Variants in MPDZ observed in about 807,000 individuals in gnomAD.
MPDZ encodes multiple PDZ domain protein.
MPDZ carries 234 observed loss-of-function variants against 239.1 expected under a neutral mutation model. The ratio of observed to expected loss-of-function variants is 0.98; its 90% CI spans 0.88 to 1.09. The LOEUF (loss-of-function observed/expected upper bound fraction) is 1.09. Among genes scored for constraint, MPDZ ranks in the 50% least tolerant of loss-of-function variants. MPDZ has a pLI of 0.00. For missense variants in MPDZ, 3,175 were observed against 2,510.0 expected (o/e 1.26, Z -5.66); for synonymous variants, 1,048 against 881.3 (o/e 1.19, Z -3.35).
At chr9:13,249,298 A>G (rs1440227189) in intron 2 of MPDZ, among the ~76,000 whole-genome samples, 1 of 152,182 alleles carries the variant, frequency 6.6e-6, no homozygotes, top group African/African-American at 2.4e-5. Flanking sequence ...ACTCAGCACA[A>G]AACAGAATAA....
chr9:13,257,547 C>A (rs1306179894), intron 1 of MPDZ, among the ~76,000 whole-genome samples: 1 of 152,136 alleles, frequency 6.6e-6, no homozygotes, highest in African/African-American at 2.4e-5. Flanking sequence ...AGTTGCTACA[C>A]TTTGTACAGA....
At chr9:13,222,020 G>C (rs1214754992) in intron 6 of MPDZ, among the ~76,000 whole-genome samples, 1 of 151,956 alleles carries the variant, frequency 6.6e-6, no homozygotes, top group East Asian at 1.9e-4. Context: ...GCTGTCAAAG[G>C]ACAAAACTAC....
intron 10 of MPDZ, among the ~76,000 whole-genome samples, chr9:13,212,511 TACATATGAGCCA>T (rs1274366150): frequency 6.6e-6 from 1 of 151,910 alleles, no homozygotes; most frequent in East Asian, 1.9e-4. Flanking sequence ...ACACCCATGC[TACATATGAGCCA>T]AAGTCACGAA....
At position 13,110,896 on chromosome 9, in the gene MPDZ, G is replaced by C. The variant is rs534906299; in HGVS notation, c.5725-156C>G. On this transcript the variant is annotated intron_variant, in intron 43 of 46. Coordinates refer to ENST00000319217, the MANE Select transcript of MPDZ (RefSeq NM_001378778.1). ...CCAAGGAAACCACTAATTCCAAGAA[G>C]TCCAAAAAGCAGCAACCACAAAAAG... 3.9e-5 allele frequency among the ~76,000 whole-genome samples: 6 copies of C among 152,278 alleles called. No homozygotes were observed. In the East Asian group the frequency reaches 1.2e-3, roughly 29 times the overall value.
chr9:13,169,987 C>A (rs1483835019), intron 21 of MPDZ, among the ~76,000 whole-genome samples: 1 of 152,132 alleles, frequency 6.6e-6, no homozygotes, highest in African/African-American at 2.4e-5. Flanking sequence ...CCCTTTGCAT[C>A]CTATCCTCAT....
At chr9:13,202,973 T>A (rs1271340340) in intron 12 of MPDZ, among the ~76,000 whole-genome samples, 2 of 152,108 alleles carry the variant, frequency 1.3e-5, no homozygotes, top group African/African-American at 4.8e-5. Context: ...ATGTCACTCT[T>A]CAATTTACTG....
At chr9:13,267,634 A>G (rs1326252216) in intron 1 of MPDZ, among the ~76,000 whole-genome samples, 2 of 152,228 alleles carry the variant, frequency 1.3e-5, no homozygotes, top group African/African-American at 4.8e-5. Context: ...ATGACACTTA[A>G]AAGTATCAAT....
Position 13,241,350 on chromosome 9 carries a change from A to C in MPDZ, c.183+6285T>G, listed in dbSNP as rs1457180683. 6.6e-5 allele frequency among the ~76,000 whole-genome samples: 10 copies of C among 152,168 alleles called. 1 individual carries two copies. In the East Asian group the frequency reaches 7.7e-4, roughly 12 times the overall value. The stretch of plus-strand genomic sequence containing the variant: ...TGTAAGAAAGATCATTTTCATTTTC[A>C]CAAGTAACAACAGCTGGGAAGAGTT... On this transcript the variant is annotated intron_variant, in intron 3 of 46. Coordinates refer to ENST00000319217, the MANE Select transcript of MPDZ (RefSeq NM_001378778.1).
chr9:13,142,050 G>C (rs114454663), intron 27 of MPDZ, among the ~76,000 whole-genome samples: 37 of 152,100 alleles, frequency 2.4e-4, no homozygotes, highest in African/African-American at 8.2e-4. Context: ...ATGTACTTTA[G>C]AATTTTTCTG....
At chr9:13,211,580 T>C (rs1200265250) in intron 10 of MPDZ, among the ~76,000 whole-genome samples, 1 of 152,050 alleles carries the variant, frequency 6.6e-6, no homozygotes, top group South Asian at 2.1e-4. Flanking sequence ...ATCTAAATAA[T>C]AGTATTACAG....
At position 13,147,622 on chromosome 9, in the gene MPDZ, G is replaced by C. The variant is rs1355442309; in HGVS notation, c.3667C>G (p.Gln1223Glu). ...GCTTTCCGAATGGCTTCCACAGCTT[G>C]TTCATGGCTTGCATCTCTGAGGTCC... ...GMDLRDASHE[Q>E]AVEAIRKAGN... The change falls in exon 26 of 47, where the codon CAA becomes GAA. Residue 1223 changes from glutamine (Q) to glutamate (E), a missense_variant. Physicochemically the swap from Gln to Glu is conservative, Grantham distance 29. Transcript: ENST00000319217. 2 of 1,612,310 alleles carry C rather than the reference G, an allele frequency of 1.2e-6. No individual in the cohort carries two copies. Among genetic ancestry groups the C allele is most frequent in the African/African-American group, 1.3e-5 (1 of 74,898 alleles).
chr9:13,183,550 G>A lies in MPDZ; in HGVS notation c.2517C>T (p.Ser839=), dbSNP rs772237511. ...CAGGAGAGTATGGAGACTCAAATGT[G>A]GATTCATCTACTAAGTCAGCATCAT... ...GTNDADLVDE[S]TFESPYSPEN... Residue 839 remains serine (S), a synonymous_variant, in exon 19 of 47, where the codon TCC becomes TCT. Transcript: ENST00000319217. 2 of 1,612,156 alleles carry A rather than the reference G, an allele frequency of 1.2e-6. No homozygotes were observed. Among genetic ancestry groups the A allele is most frequent in the Non-Finnish European group, 1.7e-6 (2 of 1,179,008 alleles).
At chr9:13,213,384 C>T (rs1285928252) in intron 10 of MPDZ, among the ~76,000 whole-genome samples, 1 of 151,928 alleles carries the variant, frequency 6.6e-6, no homozygotes, top group East Asian at 1.9e-4. Flanking sequence ...GAAATAATTT[C>T]TTAATCTCAT....
At chr9:13,138,567 G>A (rs1416806492) in intron 28 of MPDZ, among the ~76,000 whole-genome samples, 1 of 152,174 alleles carries the variant, frequency 6.6e-6, no homozygotes, top group Non-Finnish European at 1.5e-5. Flanking sequence ...TCAACATTGT[G>A]TATCACATCA....
rs756511407 is a variant in MPDZ, at chr9:13,110,662, T to G, written c.5803A>C (p.Asn1935His). Reference protein sequence around the residue: ...THTQAVNLLKNASGSIEMQVV... With the variant: ...THTQAVNLLKHASGSIEMQVV... The stretch of plus-strand genomic sequence containing the variant: ...TGCATTTCAATGGAGCCAGATGCAT[T>G]TTTCAGTAGGTTAACTGCTTGGGTG... Residue 1935 changes from asparagine to histidine, a missense_variant, in exon 44 of 47, where the codon AAT (asparagine) becomes CAT (histidine). Physicochemically the swap from Asn to His is moderately conservative, Grantham distance 68. Transcript: ENST00000319217. 9 of 1,613,584 alleles carry G rather than the reference T, an allele frequency of 5.6e-6. No homozygotes were observed. The highest frequency in any genetic ancestry group is 5.0e-5 in the Admixed American group (3 of 59,950).
chr9:13,169,356 T>C (rs540574401), intron 21 of MPDZ, among the ~76,000 whole-genome samples: 1 of 152,234 alleles, frequency 6.6e-6, no homozygotes, highest in East Asian at 1.9e-4. Context: ...TCTTCCCTTT[T>C]TTGGTAAATT....
rs371963885 is a variant in MPDZ, at chr9:13,108,947, C to G, written c.6055G>C (p.Val2019Leu). 7 of 1,610,410 alleles carry G rather than the reference C, an allele frequency of 4.3e-6. No homozygotes were observed. Among genetic ancestry groups the G allele is most frequent in the African/African-American group, 4.0e-5 (3 of 74,774 alleles). The change falls in exon 46 of 47, where the codon GTG becomes CTG. Residue 2019 changes from valine (V) to leucine (L), a missense_variant. By Grantham distance (32) the Val-to-Leu change is conservative. Transcript: ENST00000319217. The part of the protein sequence containing the change: ...HGDLPIYVKT[V>L]FAKGAASEDG... ...ATTTGCAAGCTTACCTTTGCAAACA[C>G]TGTTTTAACATAAATGGGTAAGTCT...
chr9:13,199,483 C>T lies in MPDZ; in HGVS notation c.1547-3253G>A, dbSNP rs1170381386. 7.9e-5 allele frequency among the ~76,000 whole-genome samples: 12 copies of T among 151,966 alleles called. No homozygotes were observed. The East Asian group carries it at 2.3e-3, about 29-fold the overall frequency. On this transcript the variant is annotated intron_variant, in intron 12 of 46. Coordinates refer to ENST00000319217, the MANE Select transcript of MPDZ (RefSeq NM_001378778.1). ...GACTTATCTCTTTCCAATCTGGATGCCCGTTATTTCCTTCTCTTGCTTAAC... is the reference window on the plus strand; with the variant it reads ...GACTTATCTCTTTCCAATCTGGATGTCCGTTATTTCCTTCTCTTGCTTAAC...
At chr9:13,264,037 T>A (rs1971275313) in intron 1 of MPDZ, among the ~76,000 whole-genome samples, 1 of 152,172 alleles carries the variant, frequency 6.6e-6, no homozygotes, top group African/African-American at 2.4e-5. Context: ...TAGTATAGTA[T>A]CATACCTTTT....
Sources: gnomAD v4.1 joint callset for allele counts (sites outside exome capture counted in the v4.1 genomes callset) on GRCh38, gnomAD v4.1.1 for gene constraint, MANE v1.5 for transcripts, NCBI Gene and HGNC (gene_info 2026-07-23, HGNC 2026-07-21) for gene names.